Variants in ARHGEF10 observed in about 807,000 individuals in gnomAD.
ARHGEF10 encodes the protein Rho guanine nucleotide exchange factor (GEF) 10.
ARHGEF10 carries 140 observed loss-of-function variants against 147.4 expected under a neutral mutation model. The observed-to-expected ratio is 0.95, with a 90% CI of 0.83 to 1.09. The LOEUF (loss-of-function observed/expected upper bound fraction) is 1.09. Ranked by LOEUF, ARHGEF10 falls within the 50% of genes least tolerant of loss-of-function variation. The pLI, the probability that ARHGEF10 is intolerant of heterozygous loss-of-function variation, is 0.00. For missense variants in ARHGEF10, 2,222 were observed against 1,752.7 expected, an observed-to-expected ratio of 1.27 and a Z score of -4.78; for synonymous variants, 902 against 695.8, an observed-to-expected ratio of 1.30 and a Z score of -4.67.
In ARHGEF10 at chr8:1,880,090, A is replaced by C. The variant is rs767627004; in HGVS notation, c.886A>C (p.Lys296Gln). 1.9e-6 allele frequency: 3 copies of C among 1,614,038 alleles called. No homozygotes were observed. Among genetic ancestry groups the C allele is most frequent in the African/African-American group, 2.7e-5 (2 of 74,932 alleles). ...CCGTTTAAAGGAGCACTATGAGAAA[A>C]AGATGAGAGATTTGATGGCAAGCAC... ...LTRLKEHYEK[K>Q]MRDLMASTVG... Residue 296 changes from lysine (K) to glutamine (Q), a missense_variant, in exon 9 of 29, where the codon AAG becomes CAG. Transcript: ENST00000349830.
chr8:1,923,449 G>A lies in ARHGEF10; in HGVS notation c.2260-19G>A, dbSNP rs373909732. On this transcript the variant is annotated intron_variant, in intron 19 of 28. Transcript: ENST00000349830. ...GTTTTTAAACACTTTTGAAATGTGC[G>A]TATTTATTTCCTTTGTAGAACTTAA... is the stretch of plus-strand genomic sequence containing the variant. 39 of 1,614,080 alleles carry A rather than the reference G, an allele frequency of 2.4e-5. No homozygotes were observed. The African/African-American group carries it at 3.2e-4, about 13-fold the overall frequency.
intron 2 of ARHGEF10, among the ~76,000 whole-genome samples, chr8:1,854,545 G>A (rs13258335): frequency 0.2 from 28,215 of 140,266 alleles, 2,782 homozygotes; most frequent in South Asian, 0.35. Flanking sequence ...GGGCAGCTCC[G>A]CCAGTGTCTG....
intron 27 of ARHGEF10, among the ~76,000 whole-genome samples, chr8:1,951,654 C>CA (rs1179762925): frequency 2.6e-5 from 4 of 152,210 alleles, no homozygotes; most frequent in Admixed American, 2.6e-4. Flanking sequence ...AGAAAAGAAT[C>CA]AAACTGTTTT....
chr8:1,902,782 G>A (rs941999039), intron 15 of ARHGEF10, among the ~76,000 whole-genome samples: 2 of 152,156 alleles, frequency 1.3e-5, no homozygotes, highest in Non-Finnish European at 2.9e-5. Flanking sequence ...CATCTTTGCC[G>A]CCCTAAAATC....
rs188344069 is a variant in ARHGEF10, at chr8:1,837,631, C to A, written c.-47-5722C>A. ...TGCTGGTGTTGTGTTCATTCTTGAA[C>A]AGACGCGGCAGGCGTACAGCTGGCC... is the stretch of plus-strand genomic sequence containing the variant. On this transcript the variant is annotated intron_variant, in intron 1 of 28. Coordinates refer to ENST00000349830, the MANE Select transcript of ARHGEF10 (RefSeq NM_014629.4). 4.7e-3 allele frequency among the ~76,000 whole-genome samples: 710 copies of A among 152,272 alleles called. 9 individuals are homozygous for A. Among genetic ancestry groups the A allele is most frequent in the African/African-American group, 0.016 (665 of 41,556 alleles).
intron 18 of ARHGEF10, among the ~76,000 whole-genome samples, chr8:1,922,147 C>G (rs1306128468): frequency 2.0e-5 from 3 of 151,916 alleles, no homozygotes; most frequent in Admixed American, 1.3e-4. Context: ...AACATTACTT[C>G]CTGTAGTACA....
At chr8:1,829,005 C>T (rs1203986512) in intron 1 of ARHGEF10, among the ~76,000 whole-genome samples, 1 of 152,206 alleles carries the variant, frequency 6.6e-6, no homozygotes, top group Non-Finnish European at 1.5e-5. Flanking sequence ...GCGTGGTATT[C>T]AGTGCGTATC....
At chr8:1,943,146 C>T (rs1408558410) in intron 26 of ARHGEF10, among the ~76,000 whole-genome samples, 3 of 152,202 alleles carry the variant, frequency 2.0e-5, no homozygotes, top group Non-Finnish European at 2.9e-5. Flanking sequence ...CTGCGGGGAG[C>T]GGCCTGCCTA....
chr8:1,949,795 G>A (rs1238999555), intron 27 of ARHGEF10, among the ~76,000 whole-genome samples: 1 of 152,156 alleles, frequency 6.6e-6, no homozygotes, highest in African/African-American at 2.4e-5. Flanking sequence ...GGGAGCCACA[G>A]CCTTTCTCGG....
At position 1,956,975 on chromosome 8, in the gene ARHGEF10, G is replaced by A. The variant is rs200017876; in HGVS notation, c.3747G>A (p.Ser1249=). 47 of 1,614,128 alleles carry A rather than the reference G, an allele frequency of 2.9e-5. No homozygotes were observed. In the East Asian group the frequency reaches 8.0e-4, roughly 28 times the overall value. The change falls in exon 29 of 29, where the codon TCG becomes TCA. Residue 1249 remains serine (S), a synonymous_variant. Transcript: ENST00000349830. ...TCTGGTTGGGAGATTCGCTGGGATCGATGACTCAGAAAAGCGACCTGTCCT... is the reference window on the plus strand; with the variant it reads ...TCTGGTTGGGAGATTCGCTGGGATCAATGACTCAGAAAAGCGACCTGTCCT... ...AAIWLGDSLG[S]MTQKSDLSSS... is the part of the protein sequence containing the mutation.
chr8:1,841,329 C>G (rs1804015564), intron 1 of ARHGEF10, among the ~76,000 whole-genome samples: 1 of 152,372 alleles, frequency 6.6e-6, no homozygotes, highest in East Asian at 1.9e-4. Flanking sequence ...AGCCTGGATT[C>G]AGGCTGCCCT....
At chr8:1,884,959 C>G (rs557032766) in intron 10 of ARHGEF10, among the ~76,000 whole-genome samples, 1 of 152,120 alleles carries the variant, frequency 6.6e-6, no homozygotes, top group Non-Finnish European at 1.5e-5. Flanking sequence ...GAGATGGAGT[C>G]TTGCTATGTT....
intron 11 of ARHGEF10, among the ~76,000 whole-genome samples, chr8:1,890,525 GT>G (rs1809429783): frequency 1.3e-5 from 2 of 150,830 alleles, no homozygotes; most frequent in East Asian, 3.9e-4. Context: ...GGCGAGACGG[GT>G]CTCTGAGGAG....
At chr8:1,900,006 C>T (rs1007046915) in intron 15 of ARHGEF10, among the ~76,000 whole-genome samples, 7 of 152,190 alleles carry the variant, frequency 4.6e-5, no homozygotes, top group African/African-American at 7.2e-5. Context: ...CGTTCTTGGT[C>T]GCCAGGGACG....
At chr8:1,954,286 G>A (rs1001967589) in intron 28 of ARHGEF10, among the ~76,000 whole-genome samples, 4 of 152,054 alleles carry the variant, frequency 2.6e-5, no homozygotes, top group South Asian at 2.1e-4. Context: ...TAGAGGTGGG[G>A]TTTCATCATG....
At chr8:1,915,561 C>G (rs925568847) in intron 18 of ARHGEF10, among the ~76,000 whole-genome samples, 3 of 152,246 alleles carry the variant, frequency 2.0e-5, no homozygotes, top group African/African-American at 7.2e-5. Flanking sequence ...CAGCATCACA[C>G]GTGCTTTCAG....
intron 18 of ARHGEF10, among the ~76,000 whole-genome samples, chr8:1,911,540 T>C (rs1287890704): frequency 1.3e-5 from 2 of 152,310 alleles, no homozygotes. Context: ...TTTTCCGGCG[T>C]CAGGTAAGAG....
chr8:1,833,627 C>T (rs1803405062), intron 1 of ARHGEF10, among the ~76,000 whole-genome samples: 1 of 152,224 alleles, frequency 6.6e-6, no homozygotes, highest in African/African-American at 2.4e-5. Context: ...TGGTCTCTTC[C>T]CAGCCCTGGG....
Position 1,837,211 on chromosome 8 carries a change from A to G in ARHGEF10, c.-47-6142A>G, listed in dbSNP as rs553481593. On this transcript the variant is annotated intron_variant, in intron 1 of 28. Transcript: ENST00000349830. ...GGCAAGGCCTGGGCCAGAATCTGACAGTTGCTTCCCAGAGCCAGGGGCTGC... is the reference window on the plus strand; with the variant it reads ...GGCAAGGCCTGGGCCAGAATCTGACGGTTGCTTCCCAGAGCCAGGGGCTGC... 3.3e-5 allele frequency among the ~76,000 whole-genome samples: 5 copies of G among 152,374 alleles called. No individual in the cohort carries two copies. The South Asian group carries it at 1.0e-3, about 32-fold the overall frequency.
Sources: gnomAD v4.1 joint callset for allele counts (sites outside exome capture counted in the v4.1 genomes callset) on GRCh38, gnomAD v4.1.1 for gene constraint, MANE v1.5 for transcripts, NCBI Gene and HGNC (gene_info 2026-07-23, HGNC 2026-07-21) for gene names.